Variants in MYH6 observed in about 807,000 individuals in gnomAD.
MYH6 encodes myosin heavy chain 6, also known as myosin-6.
MYH6 carries 126 observed loss-of-function variants against 223.2 expected under a neutral mutation model. The ratio of observed to expected loss-of-function variants is 0.56; its 90% CI spans 0.49 to 0.65. The LOEUF is 0.65. Ranked by LOEUF, MYH6 falls within the 30% of genes least tolerant of loss-of-function variation. The probability of loss-of-function intolerance (pLI) is 0.00; values close to 1 mark genes in which losing one functional copy is unlikely to be tolerated. For missense variants in MYH6, 2,040 were observed against 2,536.4 expected, an observed-to-expected ratio of 0.80 and a Z score of 4.20; for synonymous variants, 978 against 1,010.2, an observed-to-expected ratio of 0.97 and a Z score of 0.61.
In MYH6 at chr14:23,408,253, C is replaced by G. The variant is rs1015732775; in HGVS notation, c.-47G>C. 24 of 985,328 alleles carry G rather than the reference C, an allele frequency of 2.4e-5. No individual in the cohort carries two copies. The African/African-American group carries it at 3.8e-4, about 16-fold the overall frequency. The allele number at this position is 985,328 out of a possible 1,614,324, so 61.0% of individuals were successfully genotyped here. A position where few individuals can be genotyped will look rare whatever the true frequency, so the allele number is the denominator to read the frequency against. On this transcript the variant is annotated splice_region_variant and 5_prime_UTR_variant, in exon 1 of 39. Coordinates refer to ENST00000405093, the MANE Select transcript of MYH6 (RefSeq NM_002471.4). ...CATCCCACCCCAAACCTCCTCTTAC[C>G]TGGGCCGCAGGAGTCTCTCTATCTG... is the stretch of plus-strand genomic sequence containing the variant.
chr14:23,388,952 C>A lies in MYH6; in HGVS notation c.4082G>T (p.Arg1361Leu). 6.2e-7 allele frequency: 1 copy of A among 1,613,702 alleles called. No individual in the cohort carries two copies. Among genetic ancestry groups the A allele is most frequent in the Non-Finnish European group, 8.5e-7 (1 of 1,180,018 alleles). Residue 1361 changes from arginine (R) to leucine (L), a missense_variant, in exon 29 of 39, where the codon CGC (arginine) becomes CTC (leucine). This residue lies in a region of MYH6 where 1,203 missense variants were observed against 1,400.2 expected (regional missense o/e 0.86). Coordinates refer to ENST00000405093, the MANE Select transcript of MYH6 (RefSeq NM_002471.4). ...CTCCGAGTTGGCCTTGGACAGGACG[C>A]GCTGCAGCTCGGCCTTGGCCTCTGT... ...EETEAKAELQRVLSKANSEVA... is the reference protein window; with the variant it reads ...EETEAKAELQLVLSKANSEVA...
intron 12 of MYH6, 33 bp downstream of exon 12, chr14:23,402,431 G>A (rs1343536181): frequency 3.1e-6 from 5 of 1,610,810 alleles, no homozygotes; most frequent in Non-Finnish European, 4.2e-6. Flanking sequence ...AGCACCTCAG[G>A]CCTTCCCAGG....
At chr14:23,398,608 T>G (rs1595060328) in intron 15 of MYH6, 120 bp downstream of exon 15, 2 of 1,152,828 alleles carry the variant, frequency 1.7e-6, no homozygotes, top group Admixed American at 1.7e-5. Context: ...AGCCAGGAGG[T>G]GGCTTGACTC....
At chr14:23,388,640 T>C in intron 29 of MYH6, 1 of 880,930 alleles carries the variant, frequency 1.1e-6, no homozygotes. Context: ...GCATCAGGTA[T>C]AACCCGGGCC....
At chr14:23,398,152 G>A (rs1891486375) in intron 15 of MYH6, among the ~76,000 whole-genome samples, 1 of 151,900 alleles carries the variant, frequency 6.6e-6, no homozygotes, top group African/African-American at 2.4e-5. Context: ...CAAGTGGCTG[G>A]GACTACAGGC....
chr14:23,383,941 T>C (rs1397885053), intron 36 of MYH6, among the ~76,000 whole-genome samples: 1 of 152,166 alleles, frequency 6.6e-6, no homozygotes, highest in East Asian at 1.9e-4. Context: ...ACTGACACCC[T>C]CGTCTCCTTG....
chr14:23,404,239 C>A, intron 8 of MYH6, 57 bp downstream of exon 8: 6 of 1,584,242 alleles, frequency 3.8e-6, no homozygotes, highest in Middle Eastern at 1.7e-4. Context: ...CAAAACAGCA[C>A]CCCCTTTTTC....
intron 20 of MYH6, 77 bp from the exon 21 acceptor site, chr14:23,394,400 C>T (rs929521681): frequency 7.0e-6 from 11 of 1,573,488 alleles, no homozygotes; most frequent in Non-Finnish European, 9.5e-6. Flanking sequence ...TAAGCAAGTT[C>T]GTAGGCACGT....
chr14:23,382,587 T>G (rs1595046095), intron 37 of MYH6, 25 bp from the exon 38 acceptor site: 1 of 1,614,096 alleles, frequency 6.2e-7, no homozygotes, highest in Non-Finnish European at 8.5e-7. Flanking sequence ...TGGGGATGGG[T>G]GAATGAGCTG....
rs553215228 is a variant in MYH6, at chr14:23,382,180, C to T, written c.5797-117G>A. The T allele has an allele frequency of 2.6e-6, 3 of 1,172,058 alleles. No homozygotes were observed. In the East Asian group the frequency reaches 7.0e-5, roughly 27 times the overall value. 72.6% of individuals were successfully genotyped at this position (1,172,058 alleles called of 1,614,324 possible). On this transcript the variant is annotated intron_variant, in intron 38 of 38. Coordinates refer to ENST00000405093, the MANE Select transcript of MYH6 (RefSeq NM_002471.4). Reference sequence around the variant, plus strand: ...GATGCCCTTGGAGGGAGAGGCAGGGCCCCAGGGATCCTGTGGTCCCACGTT... The same window carrying T: ...GATGCCCTTGGAGGGAGAGGCAGGGTCCCAGGGATCCTGTGGTCCCACGTT...
At position 23,394,057 on chromosome 14, in the gene MYH6, C is replaced by G. The variant is rs373887748; in HGVS notation, c.2685+11G>C. On this transcript the variant is annotated intron_variant, in intron 21 of 38. Coordinates refer to ENST00000405093, the MANE Select transcript of MYH6 (RefSeq NM_002471.4). ...GAGGAGAGGGCTGAAGAGATAATCA[C>G]GTGGCCTCACCGCCTGCACTTGGAG... 1 of 1,613,968 alleles carries G rather than the reference C, an allele frequency of 6.2e-7. No individual in the cohort carries two copies. The highest frequency in any genetic ancestry group is 8.5e-7 in the Non-Finnish European group (1 of 1,180,040).
At position 23,400,352 on chromosome 14, in the gene MYH6, G is replaced by A. The variant is rs181613656; in HGVS notation, c.1485C>T (p.Phe495=). ...TCTTGTACTCCTCCTGCTCCAGCAC[G>A]AACATGTGGTGGTTGAAGAACTGCT... ...KLQQFFNHHM[F]VLEQEEYKKE... Residue 495 remains phenylalanine, a synonymous_variant, in exon 14 of 39, where the codon TTC becomes TTT. Coordinates refer to ENST00000405093, the MANE Select transcript of MYH6 (RefSeq NM_002471.4). 82 of 1,614,090 alleles carry A rather than the reference G, an allele frequency of 5.1e-5. No individual in the cohort carries two copies. The highest frequency in any genetic ancestry group is 1.2e-4 in the African/African-American group (9 of 74,930).
At chr14:23,394,937 C>T (rs542402539) in intron 20 of MYH6, among the ~76,000 whole-genome samples, 2 of 152,360 alleles carry the variant, frequency 1.3e-5, no homozygotes, top group East Asian at 3.9e-4. Flanking sequence ...ACAATCTCGG[C>T]TCACTGCAAC....
At chr14:23,382,343 C>A (rs1052874816) in intron 38 of MYH6, 85 bp downstream of exon 38, 21 of 1,590,522 alleles carry the variant, frequency 1.3e-5, no homozygotes, top group Admixed American at 1.0e-4. Context: ...ACATATAGGG[C>A]AAGCAGTGCC....
rs374235671 is a variant in MYH6, at chr14:23,389,380, C to A, written c.3978+13G>T. ...TGCCATCAAGCCTGCCCACCCTCCC[C>A]ACTGGGCCTCACCTTGCCCTCCTCC... On this transcript the variant is annotated intron_variant, in intron 28 of 38. Coordinates refer to ENST00000405093, the MANE Select transcript of MYH6 (RefSeq NM_002471.4). 6.2e-7 allele frequency: 1 copy of A among 1,613,506 alleles called. No homozygotes were observed. The highest frequency in any genetic ancestry group is 8.5e-7 in the Non-Finnish European group (1 of 1,179,366).
rs749180878 is a variant in MYH6, at chr14:23,390,272, A to C, written c.3517T>G (p.Phe1173Val). ...IEMNKKREAEFQKMRRDLEEA... is the reference protein window; with the variant it reads ...IEMNKKREAEVQKMRRDLEEA... ...TCCAGGTCCCGCCGCATCTTCTGGA[A>C]CTCGGCCTCGCGCTTCTTGTTCATC... The change falls in exon 26 of 39, where the codon TTC becomes GTC. Residue 1173 changes from phenylalanine to valine, a missense_variant. Transcript: ENST00000405093. The C allele has an allele frequency of 6.3e-7, 1 of 1,592,650 alleles. No individual in the cohort carries two copies. Among genetic ancestry groups the C allele is most frequent in the South Asian group, 1.1e-5 (1 of 89,890 alleles).
intron 15 of MYH6, among the ~76,000 whole-genome samples, chr14:23,397,998 T>TTCC (rs1891478067): frequency 7.0e-6 from 1 of 143,856 alleles, no homozygotes; most frequent in African/African-American, 2.7e-5. Flanking sequence ...CTTCTTCTTC[T>TTCC]TCTTCTTCTT....
intron 29 of MYH6, 56 bp from the exon 30 acceptor site, chr14:23,388,394 C>A: frequency 6.2e-7 from 1 of 1,605,166 alleles, no homozygotes; most frequent in Non-Finnish European, 8.5e-7. Context: ...ACACTGGAGC[C>A]TTGGGTGGAC....
chr14:23,402,661 G>A (rs1387014256), intron 11 of MYH6, 36 bp downstream of exon 11: 5 of 1,613,530 alleles, frequency 3.1e-6, no homozygotes, highest in Non-Finnish European at 3.4e-6. Context: ...GAGCTCCTGG[G>A]GTCCCTCGAA....
Sources: allele counts gnomAD v4.1 joint callset (sites outside exome capture counted in the v4.1 genomes callset), GRCh38; gene constraint gnomAD v4.1.1; regional missense constraint gnomAD v4.1.1; transcripts MANE v1.5; gene names NCBI Gene and HGNC (gene_info 2026-07-23, HGNC 2026-07-21).